The following CSGALNACT1 variants were observed in gnomAD, a reference collection of about 807,000 sequenced individuals.
CSGALNACT1 encodes chondroitin sulfate N-acetylgalactosaminyltransferase 1.
A neutral mutation model predicts 51.0 loss-of-function variants in CSGALNACT1; 52 were observed. The ratio of observed to expected loss-of-function variants is 1.02; its 90% CI spans 0.82 to 1.29. The LOEUF (loss-of-function observed/expected upper bound fraction) is 1.29, where lower values mean the gene tolerates loss of function less well. CSGALNACT1 is among the 50% of genes most tolerant of loss of function. The pLI, the probability that CSGALNACT1 is intolerant of heterozygous loss-of-function variation, is 0.00. For synonymous variants in CSGALNACT1, 341 were observed against 254.4 expected (o/e 1.34, Z -3.24); for missense variants, 935 against 679.2 (o/e 1.38, Z -4.19).
At chr8:19,655,238 T>C (rs1166659798) in intron 1 of CSGALNACT1, among the ~76,000 whole-genome samples, 1 of 152,176 alleles carries the variant, frequency 6.6e-6, no homozygotes, top group Admixed American at 6.5e-5. Flanking sequence ...CTTCAGGCAC[T>C]GAGACACCAA....
chr8:19,519,941 G>T (rs769491873), intron 3 of CSGALNACT1, among the ~76,000 whole-genome samples: 1 of 152,180 alleles, frequency 6.6e-6, no homozygotes, highest in Non-Finnish European at 1.5e-5. Flanking sequence ...GGATATCTGG[G>T]AACATTCCTA....
At chr8:19,625,301 G>A (rs1019892078) in intron 1 of CSGALNACT1, among the ~76,000 whole-genome samples, 1 of 152,182 alleles carries the variant, frequency 6.6e-6, no homozygotes, top group African/African-American at 2.4e-5. Context: ...CTGATTTGGG[G>A]TACCAAGTTT....
At chr8:19,426,006 T>C (rs1350215824) in intron 6 of CSGALNACT1, among the ~76,000 whole-genome samples, 1 of 152,168 alleles carries the variant, frequency 6.6e-6, no homozygotes, top group Admixed American at 6.5e-5. Context: ...TCAAGTGCCT[T>C]TGCTTGCACA....
At chr8:19,472,277 G>A (rs2068374322) in intron 4 of CSGALNACT1, among the ~76,000 whole-genome samples, 1 of 152,196 alleles carries the variant, frequency 6.6e-6, no homozygotes, top group African/African-American at 2.4e-5. Flanking sequence ...AGGATGTCGT[G>A]GGAAAGCACA....
At chr8:19,549,937 C>A (rs79521522) in intron 3 of CSGALNACT1, among the ~76,000 whole-genome samples, 4,643 of 152,070 alleles carry the variant, frequency 0.031, 245 homozygotes, top group African/African-American at 0.11. Context: ...TGCGACCTAC[C>A]TTTTCTCTGT....
At chr8:19,605,929 A>C (rs2154148625), upstream of CSGALNACT1, among the ~76,000 whole-genome samples, 1 of 152,332 alleles carries the variant, frequency 6.6e-6, no homozygotes, top group South Asian at 2.1e-4. Flanking sequence ...ATGTACAACT[A>C]ATAAGTGAAA....
intron 1 of CSGALNACT1, among the ~76,000 whole-genome samples, chr8:19,635,219 C>T (rs770883736): frequency 2.3e-4 from 35 of 152,176 alleles, no homozygotes; most frequent in Non-Finnish European, 2.6e-4. Context: ...CTCCTGAGCC[C>T]ACACTGGTGG....
chr8:19,698,205 C>T (rs1292477816), intron 1 of CSGALNACT1, among the ~76,000 whole-genome samples: 1 of 152,146 alleles, frequency 6.6e-6, no homozygotes, highest in Non-Finnish European at 1.5e-5. Flanking sequence ...TGTCCAAGGT[C>T]CCTCAACCAG....
intron 5 of CSGALNACT1, among the ~76,000 whole-genome samples, chr8:19,440,999 T>A (rs1429645117): frequency 6.6e-6 from 1 of 152,056 alleles, no homozygotes; most frequent in Admixed American, 6.5e-5. Context: ...TACCTAGGAA[T>A]CCAACTTACA....
chr8:19,650,824 G>C (rs2057737516), intron 1 of CSGALNACT1, among the ~76,000 whole-genome samples: 1 of 152,186 alleles, frequency 6.6e-6, no homozygotes, highest in African/African-American at 2.4e-5. Context: ...TGGCTTCTTA[G>C]AAAAGTGACT....
intron 4 of CSGALNACT1, among the ~76,000 whole-genome samples, chr8:19,502,057 T>C (rs564600479): frequency 3.9e-5 from 6 of 152,368 alleles, no homozygotes; most frequent in Admixed American, 1.3e-4. Flanking sequence ...TAGACATCTG[T>C]CTGATATTTT....
intron 4 of CSGALNACT1, among the ~76,000 whole-genome samples, chr8:19,488,361 TTATATATACATATATATATATATATATA>T (rs1489444329): frequency 2.9e-3 from 262 of 89,824 alleles, no homozygotes; most frequent in Non-Finnish European, 4.7e-3. Flanking sequence ...TTATATATAT[TTATATATACATATATATATATATATATA>T]TATATATATA....
intron 2 of CSGALNACT1, among the ~76,000 whole-genome samples, chr8:19,596,764 T>A (rs1041456266): frequency 3.3e-5 from 5 of 152,214 alleles, no homozygotes; most frequent in African/African-American, 1.2e-4. Context: ...CTTTCAATTA[T>A]TTTTACTTTT....
chr8:19,406,626 A>T (rs1259400254), intron 9 of CSGALNACT1, among the ~76,000 whole-genome samples: 1 of 62,812 alleles, frequency 1.6e-5, no homozygotes, highest in East Asian at 2.9e-3. Flanking sequence ...GGTTTCGTAA[A>T]AAAAAAAAAA....
intron 3 of CSGALNACT1, among the ~76,000 whole-genome samples, chr8:19,553,620 C>CACATATATATATATATATATATATAT (rs2088814260): frequency 1.4e-5 from 1 of 71,580 alleles, no homozygotes; most frequent in African/African-American, 9.2e-5. Flanking sequence ...TATATAAATA[C>CACATATATATATATATATATATATAT]ATATATATAT....
At chr8:19,465,915 A>T (rs1248424582) in intron 4 of CSGALNACT1, among the ~76,000 whole-genome samples, 1 of 152,234 alleles carries the variant, frequency 6.6e-6, no homozygotes, top group Non-Finnish European at 1.5e-5. Context: ...AACTCAGCAC[A>T]TAGAAAAGAA....
At chr8:19,412,330 G>A (rs2055963915) in intron 8 of CSGALNACT1, among the ~76,000 whole-genome samples, 1 of 152,186 alleles carries the variant, frequency 6.6e-6, no homozygotes, top group Non-Finnish European at 1.5e-5. Flanking sequence ...ACGTGACAGG[G>A]ATGATTATTT....
chr8:19,524,925 A>G (rs1395807513), intron 3 of CSGALNACT1, among the ~76,000 whole-genome samples: 1 of 152,076 alleles, frequency 6.6e-6, no homozygotes, highest in Non-Finnish European at 1.5e-5. Context: ...AGAGACACAG[A>G]GAGAGAGAGA....
chr8:19,756,445 C>T (rs985878768), intron 1 of CSGALNACT1, among the ~76,000 whole-genome samples: 1 of 152,186 alleles, frequency 6.6e-6, no homozygotes, highest in African/African-American at 2.4e-5. Context: ...TCCTTTCTCA[C>T]CATTCTTTGC....
Sources: allele counts gnomAD v4.1 joint callset (sites outside exome capture counted in the v4.1 genomes callset), GRCh38; gene constraint gnomAD v4.1.1; transcripts MANE v1.5; gene names NCBI Gene and HGNC (gene_info 2026-07-23, HGNC 2026-07-21).